ROR1: variants seen among roughly 807,000 people sequenced by gnomAD.
The protein encoded by ROR1 is ROR family WNT receptor 1.
In ROR1, 19 loss-of-function variants were observed where a neutral mutation model predicts 78.8. That is an observed-to-expected ratio of 0.24 (90% CI 0.17 to 0.35). The LOEUF is 0.35. Ranked by LOEUF, ROR1 falls within the 10% of genes least tolerant of loss-of-function variation. ROR1 has a pLI of 1.00. For missense variants in ROR1, 917 were observed against 1,177.8 expected (o/e 0.78, Z 3.24); for synonymous variants, 386 against 433.6 (o/e 0.89, Z 1.36).
At chr1:64,012,758 A>G (rs781654171) in intron 2 of ROR1, among the ~76,000 whole-genome samples, 1 of 152,200 alleles carries the variant, frequency 6.6e-6, no homozygotes. Context: ...AAAACGTTTC[A>G]TGGTGAAAAA....
At chr1:64,075,548 G>T (rs1387623737) in intron 4 of ROR1, among the ~76,000 whole-genome samples, 1 of 152,192 alleles carries the variant, frequency 6.6e-6, no homozygotes, top group Non-Finnish European at 1.5e-5. Context: ...TCCTATGAAT[G>T]CCTCCAGTCA....
At chr1:64,033,839 T>C (rs1646680070) in intron 2 of ROR1, among the ~76,000 whole-genome samples, 1 of 152,332 alleles carries the variant, frequency 6.6e-6, no homozygotes, top group South Asian at 2.1e-4. Context: ...TTAATCCGTG[T>C]AACAGTCTGA....
At chr1:63,802,632 T>C (rs1644803824) in intron 1 of ROR1, among the ~76,000 whole-genome samples, 1 of 152,266 alleles carries the variant, frequency 6.6e-6, no homozygotes, top group Non-Finnish European at 1.5e-5. Flanking sequence ...CTCGATTGCC[T>C]CTTTTCTTGC....
intron 1 of ROR1, among the ~76,000 whole-genome samples, chr1:63,920,221 A>C (rs1446135466): frequency 6.6e-6 from 1 of 152,234 alleles, no homozygotes; most frequent in Admixed American, 6.5e-5. Flanking sequence ...TTGGAAAATT[A>C]AATGGAAAAA....
intron 2 of ROR1, among the ~76,000 whole-genome samples, chr1:64,020,122 C>A (rs909102965): frequency 2.6e-5 from 4 of 152,016 alleles, no homozygotes; most frequent in African/African-American, 4.8e-5. Context: ...TGTGGCTCTG[C>A]TGGATTTTGT....
intron 1 of ROR1, among the ~76,000 whole-genome samples, chr1:63,819,083 T>C (rs545927601): frequency 6.6e-6 from 1 of 152,276 alleles, no homozygotes; most frequent in South Asian, 2.1e-4. Flanking sequence ...CTGAGGATCC[T>C]TGTCAGACAG....
chr1:63,910,710 T>A (rs1383062913), intron 1 of ROR1, among the ~76,000 whole-genome samples: 1 of 152,182 alleles, frequency 6.6e-6, no homozygotes, highest in Non-Finnish European at 1.5e-5. Flanking sequence ...CTAAGTCATG[T>A]CTGTGAGGGC....
intron 4 of ROR1, among the ~76,000 whole-genome samples, chr1:64,086,284 G>A (rs1025654942): frequency 3.3e-5 from 5 of 152,226 alleles, no homozygotes; most frequent in Non-Finnish European, 7.3e-5. Flanking sequence ...TATCTATGGC[G>A]ACAGAGCTAT....
intron 2 of ROR1, among the ~76,000 whole-genome samples, chr1:64,013,094 C>T (rs1646490766): frequency 1.3e-5 from 2 of 152,152 alleles, no homozygotes; most frequent in African/African-American, 2.4e-5. Flanking sequence ...AAGAAAAGCA[C>T]CTACTGCATA....
At chr1:63,873,157 A>G (rs1645262757) in intron 1 of ROR1, among the ~76,000 whole-genome samples, 1 of 151,874 alleles carries the variant, frequency 6.6e-6, no homozygotes, top group African/African-American at 2.4e-5. Flanking sequence ...TCCTGCTATG[A>G]TTTCTCTTTG....
chr1:64,140,835 T>A (rs1649289136), intron 6 of ROR1, among the ~76,000 whole-genome samples: 1 of 152,208 alleles, frequency 6.6e-6, no homozygotes, highest in African/African-American at 2.4e-5. Flanking sequence ...CAAATTGTGG[T>A]ATATCCAGAC....
intron 1 of ROR1, among the ~76,000 whole-genome samples, chr1:63,977,899 T>G (rs894114916): frequency 1.5e-4 from 23 of 152,206 alleles, no homozygotes; most frequent in African/African-American, 4.3e-4. Flanking sequence ...GTATCTTCTA[T>G]TCCATATCTT....
chr1:63,950,972 C>T (rs1479653249), intron 1 of ROR1, among the ~76,000 whole-genome samples: 1 of 152,186 alleles, frequency 6.6e-6, no homozygotes, highest in Non-Finnish European at 1.5e-5. Flanking sequence ...TCGAACAATA[C>T]TCTTTACTAC....
chr1:64,077,669 A>G (rs1420952687), intron 4 of ROR1, among the ~76,000 whole-genome samples: 1 of 152,256 alleles, frequency 6.6e-6, no homozygotes, highest in Admixed American at 6.5e-5. Flanking sequence ...CAAGACCCCA[A>G]GATCCAGCAC....
At chr1:64,044,714 G>T (rs1646770786) in intron 2 of ROR1, among the ~76,000 whole-genome samples, 1 of 152,076 alleles carries the variant, frequency 6.6e-6, no homozygotes, top group Non-Finnish European at 1.5e-5. Context: ...AAAAATTATG[G>T]TTAGTTATTC....
intron 1 of ROR1, among the ~76,000 whole-genome samples, chr1:63,822,928 C>A (rs1644931621): frequency 2.0e-5 from 3 of 152,192 alleles, no homozygotes; most frequent in Non-Finnish European, 4.4e-5. Context: ...ATCATTGTGG[C>A]TACCATAAAG....
At chr1:63,958,213 T>G (rs1645999312) in intron 1 of ROR1, among the ~76,000 whole-genome samples, 1 of 152,268 alleles carries the variant, frequency 6.6e-6, no homozygotes, top group African/African-American at 2.4e-5. Context: ...CTTTATGCCC[T>G]CTGCCTATGT....
intron 1 of ROR1, among the ~76,000 whole-genome samples, chr1:63,792,682 A>G (rs969532342): frequency 6.6e-6 from 1 of 152,268 alleles, no homozygotes; most frequent in Non-Finnish European, 1.5e-5. Context: ...GCAGGGCACC[A>G]TGAGAATATC....
At chr1:63,818,499 A>G (rs1644906061) in intron 1 of ROR1, among the ~76,000 whole-genome samples, 1 of 152,188 alleles carries the variant, frequency 6.6e-6, no homozygotes, top group Non-Finnish European at 1.5e-5. Context: ...ATCTATTTAT[A>G]TTTGTTAGAA....
Sources: gnomAD v4.1 joint callset for allele counts (sites outside exome capture counted in the v4.1 genomes callset) on GRCh38, gnomAD v4.1.1 for gene constraint, MANE v1.5 for transcripts, NCBI Gene and HGNC (gene_info 2026-07-23, HGNC 2026-07-21) for gene names.